CALU: variants seen among roughly 807,000 people sequenced by gnomAD.
The protein encoded by CALU is IEF SSP 9302.
CALU carries 13 observed loss-of-function variants against 37.5 expected under a neutral mutation model. The ratio of observed to expected loss-of-function variants is 0.35; its 90% confidence interval spans 0.23 to 0.55. The LOEUF (loss-of-function observed/expected upper bound fraction) is 0.55, where lower values mean the gene tolerates loss of function less well. Ranked by LOEUF, CALU falls within the 20% of genes least tolerant of loss-of-function variation. The pLI is 0.89. For missense variants in CALU, 282 were observed against 391.7 expected (o/e 0.72, Z 2.36); for synonymous variants, 114 against 133.8 (o/e 0.85, Z 1.02).
Position 128,758,856 on chromosome 7 carries a change from A to G in CALU, c.416-15A>G. 6.3e-7 allele frequency: 1 copy of G among 1,586,680 alleles called. No homozygotes were observed. The highest frequency in any genetic ancestry group is 2.2e-5 in the East Asian group (1 of 44,590). On this transcript the variant is annotated splice_polypyrimidine_tract_variant and intron_variant, in intron 3 of 6. Transcript: ENST00000249364. ...GAAAGTCTTTTAAGATTTGACCTAA[A>G]TTTTTGTTTTCTAGATGATCCAGAT...
In CALU at chr7:128,773,094, C is replaced by T. The variant is rs898783225; in HGVS notation, c.*3927C>T. Among the ~76,000 whole-genome samples, 5 of 152,136 alleles carry T rather than the reference C, an allele frequency of 3.3e-5. No homozygotes were observed. The highest frequency in any genetic ancestry group is 1.2e-4 in the African/African-American group (5 of 41,404). ...ACTTAGGGTTTGGTGTTTATTAGCTCGGATTTCAGATGGGATAGGAAATCC... is the reference window on the plus strand; with the variant it reads ...ACTTAGGGTTTGGTGTTTATTAGCTTGGATTTCAGATGGGATAGGAAATCC... On this transcript the variant is annotated 3_prime_UTR_variant, in exon 7 of 7. Coordinates refer to ENST00000249364, the MANE Select transcript of CALU (RefSeq NM_001219.5).
chr7:128,755,037 C>T lies in CALU; in HGVS notation c.415+582C>T, dbSNP rs551949668. Among the ~76,000 whole-genome samples, 11 of 151,150 alleles carry T rather than the reference C, an allele frequency of 7.3e-5. No homozygotes were observed. The South Asian group carries it at 1.3e-3, about 17-fold the overall frequency. Reference sequence around the variant, plus strand: ...TAAAAGAATACATTGGGCTGGGTGCCGATAGCTCACGCCTATAAGCACTTT... The same window carrying T: ...TAAAAGAATACATTGGGCTGGGTGCTGATAGCTCACGCCTATAAGCACTTT... On this transcript the variant is annotated intron_variant, in intron 3 of 6. Transcript: ENST00000249364.
intron 1 of CALU, among the ~76,000 whole-genome samples, chr7:128,747,139 T>C (rs1201479545): frequency 3.3e-5 from 5 of 152,154 alleles, no homozygotes; most frequent in Non-Finnish European, 7.4e-5. Flanking sequence ...CTGTTTTTAT[T>C]TGTTTTCCGA....
chr7:128,744,201 G>C (rs924369853), intron 1 of CALU, among the ~76,000 whole-genome samples: 3 of 152,172 alleles, frequency 2.0e-5, no homozygotes, highest in African/African-American at 4.8e-5. Flanking sequence ...GACAGACTCA[G>C]TCTCAACAAA....
Position 128,759,834 on chromosome 7 carries a change from G to T in CALU, c.625G>T (p.Asp209Tyr). The T allele has an allele frequency of 1.4e-6, 2 of 1,392,202 alleles. No homozygotes were observed. Among genetic ancestry groups the T allele is most frequent in the South Asian group, 1.2e-5 (1 of 86,654 alleles). The allele number at this position is 1,392,202 out of a possible 1,614,324, so 86.2% of individuals were successfully genotyped here. The change falls in exon 5 of 7, where the codon GAT becomes TAT. Residue 209 changes from aspartate (D) to tyrosine (Y), a missense_variant. Asp to Tyr is a radical substitution (Grantham distance 160). Transcript: ENST00000249364. ...AGATAAGAATGCTGATGGTTTCATT[G>T]ATCTAGAAGAGTATATTGGTAAGTC... ...DIDKNADGFI[D>Y]LEEYIGDMYS... is the part of the protein sequence containing the mutation.
chr7:128,759,135 A>G (rs1015835749), intron 4 of CALU, 98 bp downstream of exon 4: 11 of 807,508 alleles, frequency 1.4e-5, no homozygotes, highest in Middle Eastern at 3.2e-4. Context: ...TCTTATATAT[A>G]TATATGCTAT....
chr7:128,747,809 G>C (rs1406773020), intron 1 of CALU: 1 of 152,292 alleles, frequency 6.6e-6, no homozygotes, highest in Admixed American at 6.5e-5. Context: ...TGTGACTACA[G>C]AGATTCTGAA....
At chr7:128,763,608 G>A (rs1163133035) in intron 5 of CALU, among the ~76,000 whole-genome samples, 2 of 152,150 alleles carry the variant, frequency 1.3e-5, no homozygotes, top group East Asian at 1.9e-4. Flanking sequence ...ATGCGCTTAC[G>A]TTGTAGTGTA....
At chr7:128,766,150 C>T (rs1032644943) in intron 5 of CALU, among the ~76,000 whole-genome samples, 3 of 151,824 alleles carry the variant, frequency 2.0e-5, no homozygotes, top group East Asian at 1.9e-4. Context: ...TTAGTAGAGA[C>T]GGGGTTTCAC....
At chr7:128,761,663 T>G (rs1179409743) in intron 5 of CALU, 6 of 152,258 alleles carry the variant, frequency 3.9e-5, no homozygotes, top group Admixed American at 1.3e-4. Context: ...TTACAAATAC[T>G]TTGTTTAGAA....
chr7:128,754,377 T>C lies in CALU; in HGVS notation c.337T>C (p.Trp113Arg). The change falls in exon 3 of 7, where the codon TGG (tryptophan) becomes CGG (arginine). Residue 113 changes from tryptophan (W) to arginine (R), a missense_variant. Transcript: ENST00000249364. ...RWIYEDVERQWKGHDLNEDGL... is the reference protein window; with the variant it reads ...RWIYEDVERQRKGHDLNEDGL... ...GATTTACGAGGATGTAGAGCGACAG[T>C]GGAAGGGGCATGACCTCAATGAGGA... The C allele has an allele frequency of 6.2e-7, 1 of 1,614,170 alleles. No homozygotes were observed. Among genetic ancestry groups the C allele is most frequent in the Non-Finnish European group, 8.5e-7 (1 of 1,180,004 alleles).
At chr7:128,756,516 GTTC>G (rs2128880565) in intron 3 of CALU, among the ~76,000 whole-genome samples, 1 of 152,278 alleles carries the variant, frequency 6.6e-6, no homozygotes, top group South Asian at 2.1e-4. Flanking sequence ...GTTACTGTGT[GTTC>G]TTGATTCAAT....
Position 128,766,064 on chromosome 7 carries a change from C to A in CALU, c.644-1392C>A, listed in dbSNP as rs547828122. Among the ~76,000 whole-genome samples the A allele has an allele frequency of 1.4e-4, 22 of 152,316 alleles. No individual in the cohort carries two copies. In the East Asian group the frequency reaches 4.1e-3, roughly 28 times the overall value. ...CTCTGCCTCTGGGGTTCAAGCGATT[C>A]TCCTGCCTCAGCCTCCCCAGTAGCT... On this transcript the variant is annotated intron_variant, in intron 5 of 6. Transcript: ENST00000249364.
In CALU at chr7:128,769,394, C is replaced by G. The variant is rs116822773; in HGVS notation, c.*227C>G. ...GTACACTTGTGTTTGTAGATTTACA[C>G]TTTGTATTATGTATTAACATGGCGT... On this transcript the variant is annotated 3_prime_UTR_variant, in exon 7 of 7. Coordinates refer to ENST00000249364, the MANE Select transcript of CALU (RefSeq NM_001219.5). 2.2e-3 allele frequency: 820 copies of G among 374,158 alleles called. 10 individuals carry two copies. The highest frequency in any genetic ancestry group is 0.015 in the African/African-American group (729 of 48,848). 23.2% of individuals were successfully genotyped at this position (374,158 alleles called of 1,614,324 possible).
Position 128,770,910 on chromosome 7 carries a change from A to G in CALU, c.*1743A>G, listed in dbSNP as rs41274233. 7.1e-3 allele frequency: 1,092 copies of G among 152,750 alleles called. 5 individuals carry two copies. Among genetic ancestry groups the G allele is most frequent in the Non-Finnish European group, 0.011 (760 of 68,044 alleles). 9.5% of individuals were successfully genotyped at this position (152,750 alleles called of 1,614,324 possible). ...ACCTAGGTATATCCTTTGGTCTTCC[A>G]CAGTCATGTTGAGGTGGGCTCCCTG... On this transcript the variant is annotated 3_prime_UTR_variant, in exon 7 of 7. Transcript: ENST00000249364.
At chr7:128,761,902 C>A (rs1801131756) in intron 5 of CALU, among the ~76,000 whole-genome samples, 2 of 152,134 alleles carry the variant, frequency 1.3e-5, no homozygotes, top group African/African-American at 4.8e-5. Flanking sequence ...TCTTATCATA[C>A]CTGTTGTTTA....
At chr7:128,768,864 A>AAAAAAAAAAAAAAAAAAAAAAG in intron 6 of CALU, among the ~76,000 whole-genome samples, 199 bp from the exon 7 acceptor site, 1 of 148,984 alleles carries the variant, frequency 6.7e-6, no homozygotes, top group Non-Finnish European at 1.5e-5. Context: ...AAAAAAAAAA[A>AAAAAAAAAAAAAAAAAAAAAAG]AAAACAAGGA....
intron 2 of CALU, among the ~76,000 whole-genome samples, chr7:128,749,478 T>C (rs1800575261): frequency 6.6e-6 from 1 of 152,170 alleles, no homozygotes; most frequent in Non-Finnish European, 1.5e-5. Context: ...TGAGAATGTC[T>C]TTTTTGGTCC....
intron 3 of CALU, among the ~76,000 whole-genome samples, chr7:128,756,528 A>G (rs339098): frequency 0.32 from 47,965 of 152,062 alleles, 8,108 homozygotes; most frequent in Non-Finnish European, 0.38. Flanking sequence ...TCTTGATTCA[A>G]TTTGGAGTTC....
Sources: allele counts gnomAD v4.1 joint callset (sites outside exome capture counted in the v4.1 genomes callset), GRCh38; gene constraint gnomAD v4.1.1; transcripts MANE v1.5; gene names NCBI Gene and HGNC (gene_info 2026-07-23, HGNC 2026-07-21).